IRAG1: variants seen among roughly 807,000 people sequenced by gnomAD.
The protein encoded by IRAG1 is inositol 1,4,5-triphosphate receptor associated 1.
A neutral mutation model predicts 106.2 loss-of-function variants in IRAG1; 62 were observed. The observed-to-expected ratio is 0.58, with a 90% CI of 0.48 to 0.72. The LOEUF is 0.72. Among genes scored for constraint, IRAG1 ranks in the 30% least tolerant of loss-of-function variants. The pLI, the probability that IRAG1 is intolerant of heterozygous loss-of-function variation, is 0.00. For missense variants in IRAG1, 1,064 were observed against 1,140.7 expected, an observed-to-expected ratio of 0.93 and a Z score of 0.97; for synonymous variants, 462 against 443.9, an observed-to-expected ratio of 1.04 and a Z score of -0.51.
At chr11:10,582,951 T>TA (rs1851547829) in intron 18 of IRAG1, among the ~76,000 whole-genome samples, 1 of 151,888 alleles carries the variant, frequency 6.6e-6, no homozygotes, top group African/African-American at 2.4e-5. Context: ...CAAAACTCAG[T>TA]AAAAAAGCAG....
Position 10,601,017 on chromosome 11 carries a change from C to T in IRAG1, c.1918G>A (p.Val640Met). The change falls in exon 15 of 21, where the codon GTG becomes ATG. Residue 640 changes from valine to methionine, a missense_variant. Physicochemically the swap from Val to Met is conservative, Grantham distance 21 (BLOSUM62 1). Coordinates refer to ENST00000423302, the MANE Select transcript of IRAG1 (RefSeq NM_130385.4). ...TCATACGTCCTCTTTAGATTCTCCA[C>T]ATACTGCATCATCACTTCCGTTGCT... The part of the protein sequence containing the change: ...SKATEVMMQY[V>M]ENLKRTYEKD... The T allele has an allele frequency of 1.2e-6, 2 of 1,614,090 alleles. No homozygotes were observed. Among genetic ancestry groups the T allele is most frequent in the Non-Finnish European group, 1.7e-6 (2 of 1,179,904 alleles).
chr11:10,611,804 A>G (rs1050894447), intron 10 of IRAG1: 1 of 152,206 alleles, frequency 6.6e-6, no homozygotes, highest in Non-Finnish European at 1.5e-5. Context: ...TAGAGAGGGA[A>G]AGGGATGGAG....
chr11:10,670,859 C>T (rs114499369), intron 1 of IRAG1, among the ~76,000 whole-genome samples: 182 of 152,232 alleles, frequency 1.2e-3, no homozygotes, highest in African/African-American at 4.0e-3. Flanking sequence ...GGAGAGAGGC[C>T]GCAGAAGAAA....
intron 10 of IRAG1, among the ~76,000 whole-genome samples, chr11:10,618,345 C>T (rs149335152): frequency 9.9e-5 from 15 of 152,274 alleles, no homozygotes; most frequent in Middle Eastern, 3.4e-3. Flanking sequence ...CACAATTTAT[C>T]GTAGTGACTT....
chr11:10,594,152 C>A lies in IRAG1; in HGVS notation c.2061G>T (p.Leu687=). 1 of 1,608,292 alleles carries A rather than the reference C, an allele frequency of 6.2e-7. No individual in the cohort carries two copies. The highest frequency in any genetic ancestry group is 8.5e-7 in the Non-Finnish European group (1 of 1,177,556). The stretch of plus-strand genomic sequence containing the variant: ...ATTCCTTGAACATGCATACCTTTCC[C>A]AGCGTGAGGGACATGGACCGTGCCG... ...PRTARSMSLT[L]GKNMPRRRVS... Residue 687 remains leucine, a synonymous_variant, in exon 16 of 21, where the codon CTG becomes CTT. Coordinates refer to ENST00000423302, the MANE Select transcript of IRAG1 (RefSeq NM_130385.4).
intron 1 of IRAG1, among the ~76,000 whole-genome samples, chr11:10,668,672 A>T (rs1859981885): frequency 6.6e-6 from 1 of 152,152 alleles, no homozygotes; most frequent in African/African-American, 2.4e-5. Context: ...TTATTTTTTT[A>T]TAGTTTCGTC....
intron 1 of IRAG1, among the ~76,000 whole-genome samples, chr11:10,675,700 C>T (rs2135144444): frequency 6.6e-6 from 1 of 152,302 alleles, no homozygotes; most frequent in Middle Eastern, 3.4e-3. Flanking sequence ...TTTTGCACAT[C>T]CTGTACTCTA....
intron 1 of IRAG1, chr11:10,652,407 C>G: frequency 1.6e-6 from 2 of 1,264,632 alleles, no homozygotes; most frequent in Non-Finnish European, 1.1e-6. Flanking sequence ...CTAATTTGGT[C>G]TTTACAGTAA....
Position 10,600,958 on chromosome 11 carries a change from C to G in IRAG1, c.1977G>C (p.Lys659Asn). Residue 659 changes from lysine to asparagine, a missense_variant, in exon 15 of 21, where the codon AAG (lysine) becomes AAC (asparagine). By Grantham distance (94) the Lys-to-Asn change is moderately conservative. Coordinates refer to ENST00000423302, the MANE Select transcript of IRAG1 (RefSeq NM_130385.4). ...KDHAELMEFK[K>N]LANQNSSRSC... is the part of the protein sequence containing the mutation. ...TGCGGCTTGAATTCTGATTTGCAAG[C>G]TTTTTAAACTCCATGAGCTCCGCAT... 6.2e-7 allele frequency: 1 copy of G among 1,614,082 alleles called. No homozygotes were observed. The highest frequency in any genetic ancestry group is 1.1e-5 in the South Asian group (1 of 91,092).
chr11:10,670,213 C>G (rs1860111047), intron 1 of IRAG1, among the ~76,000 whole-genome samples: 1 of 152,226 alleles, frequency 6.6e-6, no homozygotes, highest in African/African-American at 2.4e-5. Context: ...ATAAAGCTCA[C>G]TTCACAGAGG....
chr11:10,670,021 T>C lies in IRAG1; in HGVS notation c.68-17839A>G, dbSNP rs374800663. Among the ~76,000 whole-genome samples the C allele has an allele frequency of 9.8e-5, 15 of 152,338 alleles. No individual in the cohort carries two copies. In the South Asian group the frequency reaches 2.5e-3, roughly 25 times the overall value. ...AGGTGGGATGACTGCTCAGTCTGGA[T>C]CACAGGGATGGGAATCTTGCTTTTC... On this transcript the variant is annotated intron_variant, in intron 1 of 20. Transcript: ENST00000423302.
At chr11:10,582,092 G>T in intron 18 of IRAG1, 106 bp from the exon 19 acceptor site, 1 of 1,349,880 alleles carries the variant, frequency 7.4e-7, no homozygotes, top group South Asian at 1.6e-5. Context: ...AGGAAACTCA[G>T]GCTTTTTCAG....
rs57266330 is a variant in IRAG1, at chr11:10,634,753, T to TTGTGTGTGTGTGTGTG, written c.226-698_226-683dup. On this transcript the variant is annotated intron_variant, in intron 2 of 20. Transcript: ENST00000423302. ...CTTTTTTTAAGGATGAATAATATTC[T>TTGTGTGTGTGTGTGTG]TGTGTGTGTGTGTGTGTGTGTGTGT... 2.4e-3 allele frequency among the ~76,000 whole-genome samples: 346 copies of TTGTGTGTGTGTGTGTG among 145,034 alleles called. 3 individuals are homozygous for TTGTGTGTGTGTGTGTG. The highest frequency in any genetic ancestry group is 0.01 in the East Asian group (49 of 4,858).
chr11:10,609,644 C>CTGG, intron 11 of IRAG1, 84 bp downstream of exon 11: 2 of 1,474,724 alleles, frequency 1.4e-6, no homozygotes, highest in South Asian at 2.6e-5. Context: ...AGAATTAAGA[C>CTGG]TGGTGTTCCT....
chr11:10,625,989 G>C lies in IRAG1; in HGVS notation c.1345C>G (p.Gln449Glu). ...ACCTCTCGGAGCTTGGTCAGTTTCT[G>C]CATCCGCACGGGCTGCACTTGTATC... ...FQIQVQPVRMQKLTKLREEHI... is the reference protein window; with the variant it reads ...FQIQVQPVRMEKLTKLREEHI... The change falls in exon 9 of 21, where the codon CAG becomes GAG. Residue 449 changes from glutamine (Q) to glutamate (E), a missense_variant. By Grantham distance (29) the Gln-to-Glu change is conservative. Transcript: ENST00000423302. 1 of 1,488,686 alleles carries C rather than the reference G, an allele frequency of 6.7e-7. No homozygotes were observed. Among genetic ancestry groups the C allele is most frequent in the Non-Finnish European group, 8.9e-7 (1 of 1,119,178 alleles). The allele number at this position is 1,488,686 out of a possible 1,614,324, so 92.2% of individuals were successfully genotyped here. A position where few individuals can be genotyped will look rare whatever the true frequency, so the allele number is the denominator to read the frequency against.
chr11:10,601,216 G>A (rs1853964172), intron 14 of IRAG1, among the ~76,000 whole-genome samples, 157 bp from the exon 15 acceptor site: 2 of 152,226 alleles, frequency 1.3e-5, no homozygotes, highest in South Asian at 4.1e-4. Flanking sequence ...TGTGAGCTGA[G>A]AGGTGGACTC....
At chr11:10,644,863 G>C (rs1242062130) in intron 2 of IRAG1, among the ~76,000 whole-genome samples, 1 of 152,202 alleles carries the variant, frequency 6.6e-6, no homozygotes, top group Non-Finnish European at 1.5e-5. Flanking sequence ...GAACCTCTCT[G>C]TTGGCCAGTG....
chr11:10,579,275 T>C (rs1259481068), intron 20 of IRAG1, among the ~76,000 whole-genome samples: 1 of 152,182 alleles, frequency 6.6e-6, no homozygotes, highest in African/African-American at 2.4e-5. Context: ...TGTGTGCCTA[T>C]CCATTTTGCT....
chr11:10,672,314 G>A (rs1363502032), intron 1 of IRAG1, among the ~76,000 whole-genome samples: 1 of 151,812 alleles, frequency 6.6e-6, no homozygotes, highest in Non-Finnish European at 1.5e-5. Context: ...CATAAATGCA[G>A]GCAACAAAAG....
Sources: allele counts gnomAD v4.1 joint callset (sites outside exome capture counted in the v4.1 genomes callset), GRCh38; gene constraint gnomAD v4.1.1; transcripts MANE v1.5; gene names NCBI Gene and HGNC (gene_info 2026-07-23, HGNC 2026-07-21).